The following COPS4 variants were observed in gnomAD, a reference collection of about 807,000 sequenced individuals.
COPS4 encodes COP9 signalosome complex subunit 4.
In COPS4, 8 loss-of-function variants were observed where a neutral mutation model predicts 55.1. The observed-to-expected ratio is 0.15, with a 90% CI of 0.09 to 0.26. COPS4 has a LOEUF of 0.26. COPS4 is among the 10% of genes least tolerant of loss of function. The pLI, the probability that COPS4 is intolerant of heterozygous loss-of-function variation, is 1.00. For missense variants in COPS4, 248 were observed against 484.0 expected (o/e 0.51, Z 4.58); for synonymous variants, 185 against 165.7 (o/e 1.12, Z -0.90).
chr4:83,057,672 C>G (rs916726856), intron 6 of COPS4, among the ~76,000 whole-genome samples: 1 of 151,966 alleles, frequency 6.6e-6, no homozygotes, highest in Non-Finnish European at 1.5e-5. Context: ...CTTGTAATCC[C>G]AGCACTTTGG....
At chr4:83,051,830 G>A (rs778632354) in intron 4 of COPS4, among the ~76,000 whole-genome samples, 2 of 152,202 alleles carry the variant, frequency 1.3e-5, no homozygotes, top group Non-Finnish European at 2.9e-5. Context: ...TGAGTATAGT[G>A]AGGCCTGGAG....
intron 4 of COPS4, among the ~76,000 whole-genome samples, chr4:83,053,577 A>T (rs1001969636): frequency 1.9e-4 from 29 of 152,308 alleles, no homozygotes; most frequent in Admixed American, 1.5e-3. Context: ...GTGGTAGCTC[A>T]CGCCTGTAAT....
intron 1 of COPS4, among the ~76,000 whole-genome samples, chr4:83,038,781 A>G (rs1323749599): frequency 1.3e-5 from 2 of 152,138 alleles, no homozygotes; most frequent in Non-Finnish European, 2.9e-5. Context: ...AGCTGGGACT[A>G]CAGGTGCATG....
chr4:83,075,158 C>G, intron 9 of COPS4, 139 bp from the exon 10 acceptor site: 1 of 678,422 alleles, frequency 1.5e-6, no homozygotes, highest in Non-Finnish European at 2.4e-6. Flanking sequence ...TTTTGAATAG[C>G]TTTTTTCTGT....
chr4:83,038,785 G>A (rs1359842348), intron 1 of COPS4, among the ~76,000 whole-genome samples: 2 of 152,116 alleles, frequency 1.3e-5, no homozygotes, highest in Non-Finnish European at 2.9e-5. Flanking sequence ...GGGACTACAG[G>A]TGCATGCCAC....
intron 6 of COPS4, 108 bp downstream of exon 6, chr4:83,057,516 C>A: frequency 1.3e-6 from 1 of 768,568 alleles, no homozygotes; most frequent in Non-Finnish European, 2.0e-6. Flanking sequence ...AAAAGGATGT[C>A]TTCATAATAC....
At chr4:83,058,800 G>C (rs1287454019) in intron 6 of COPS4, among the ~76,000 whole-genome samples, 2 of 152,154 alleles carry the variant, frequency 1.3e-5, no homozygotes, top group Non-Finnish European at 2.9e-5. Context: ...CAACACTATA[G>C]TGATTATGCA....
At chr4:83,040,988 T>C (rs1730553100) in intron 1 of COPS4, among the ~76,000 whole-genome samples, 1 of 151,922 alleles carries the variant, frequency 6.6e-6, no homozygotes. Context: ...AATTCACTGA[T>C]GATAAATGGA....
rs6850979 is a variant in COPS4 at position 83,048,697 on chromosome 4, G to A, written c.155-469G>A. 2.8e-3 allele frequency among the ~76,000 whole-genome samples: 425 copies of A among 152,018 alleles called. 1 individual carries two copies. Among genetic ancestry groups the A allele is most frequent in the African/African-American group, 9.8e-3 (405 of 41,438 alleles). Reference sequence around the variant, plus strand: ...AGCTCTGTTGCCCAGGCTGGAGTACGGTGCTGTGATCTCGGCTCACTGCAA... The same window carrying A: ...AGCTCTGTTGCCCAGGCTGGAGTACAGTGCTGTGATCTCGGCTCACTGCAA... On this transcript the variant is annotated intron_variant, in intron 2 of 9. Coordinates refer to ENST00000264389, the MANE Select transcript of COPS4 (RefSeq NM_016129.3).
At chr4:83,044,510 GC>G (rs2126128385) in intron 1 of COPS4, among the ~76,000 whole-genome samples, 1 of 151,700 alleles carries the variant, frequency 6.6e-6, no homozygotes, top group African/African-American at 2.4e-5. Flanking sequence ...GGGCACGGTG[GC>G]TAACGCCTGT....
At chr4:83,059,063 T>C (rs1731093817) in intron 6 of COPS4, among the ~76,000 whole-genome samples, 1 of 152,198 alleles carries the variant, frequency 6.6e-6, no homozygotes. Context: ...TTAAAAAAAT[T>C]GTTGAAAATC....
chr4:83,056,864 T>C, intron 4 of COPS4, 62 bp from the exon 5 acceptor site: 3 of 1,344,678 alleles, frequency 2.2e-6, no homozygotes, highest in Non-Finnish European at 3.1e-6. Context: ...ATATCTTCTA[T>C]TATTCCTAAA....
At chr4:83,053,290 G>T (rs2126130474) in intron 4 of COPS4, among the ~76,000 whole-genome samples, 1 of 152,298 alleles carries the variant, frequency 6.6e-6, no homozygotes, top group East Asian at 1.9e-4. Context: ...AAACAATTAG[G>T]TTTAACCACA....
At chr4:83,072,173 C>G (rs1488195607) in intron 9 of COPS4, among the ~76,000 whole-genome samples, 1 of 152,116 alleles carries the variant, frequency 6.6e-6, no homozygotes, top group Non-Finnish European at 1.5e-5. Flanking sequence ...CAACCTCCAC[C>G]TCCTGGGTCC....
At chr4:83,048,370 G>A (rs1578707587) in intron 2 of COPS4, among the ~76,000 whole-genome samples, 2 of 152,184 alleles carry the variant, frequency 1.3e-5, no homozygotes, top group East Asian at 3.9e-4. Flanking sequence ...CTTATTTATT[G>A]TTTTTATTGG....
chr4:83,072,241 C>T (rs935604885), intron 9 of COPS4, among the ~76,000 whole-genome samples: 4 of 152,044 alleles, frequency 2.6e-5, no homozygotes, highest in African/African-American at 4.8e-5. Flanking sequence ...CGCACCACCA[C>T]GCTCATGCAC....
chr4:83,047,987 C>T (rs565151414), intron 2 of COPS4, among the ~76,000 whole-genome samples: 75 of 144,772 alleles, frequency 5.2e-4, no homozygotes, highest in Non-Finnish European at 5.6e-4. Context: ...GGCGACAGAG[C>T]GAGACTCAGT....
intron 4 of COPS4, among the ~76,000 whole-genome samples, chr4:83,051,992 G>A (rs1730900494): frequency 6.6e-6 from 1 of 152,190 alleles, no homozygotes; most frequent in South Asian, 2.1e-4. Context: ...GTGAGCTATG[G>A]CATTGATAGG....
chr4:83,048,629 T>G (rs953919785), intron 2 of COPS4, among the ~76,000 whole-genome samples: 1 of 152,076 alleles, frequency 6.6e-6, no homozygotes, highest in African/African-American at 2.4e-5. Flanking sequence ...TTTTTAAGAT[T>G]TTTTAATTAA....
Sources: gnomAD v4.1 joint callset for allele counts (sites outside exome capture counted in the v4.1 genomes callset) on GRCh38, gnomAD v4.1.1 for gene constraint, MANE v1.5 for transcripts, NCBI Gene and HGNC (gene_info 2026-07-23, HGNC 2026-07-21) for gene names.